HS6ST3: variants seen among roughly 807,000 people sequenced by gnomAD.
HS6ST3 encodes heparan sulfate 6-O-sulfotransferase 3, also known as heparan-sulfate 6-O-sulfotransferase 3.
HS6ST3 carries 12 observed loss-of-function variants against 36.7 expected under a neutral mutation model. The observed-to-expected ratio is 0.33, with a 90% confidence interval of 0.21 to 0.53. HS6ST3 has a LOEUF of 0.53. Among genes scored for constraint, HS6ST3 ranks in the 20% least tolerant of loss-of-function variants. The pLI is 0.95. For missense variants in HS6ST3, 584 were observed against 640.9 expected (o/e 0.91, Z 0.96); for synonymous variants, 240 against 257.5 (o/e 0.93, Z 0.65).
intron 1 of HS6ST3, among the ~76,000 whole-genome samples, chr13:96,407,848 C>T (rs1207534567): frequency 6.6e-6 from 1 of 152,084 alleles, no homozygotes; most frequent in Non-Finnish European, 1.5e-5. Flanking sequence ...ATACAAGTCT[C>T]AGAAGTTAAA....
chr13:96,556,304 C>T (rs932411705), intron 1 of HS6ST3, among the ~76,000 whole-genome samples: 46 of 152,078 alleles, frequency 3.0e-4, no homozygotes, highest in East Asian at 1.9e-4. Context: ...TGTATTTATA[C>T]GACTTAAAAG....
At chr13:96,806,140 T>C (rs1292680814) in intron 1 of HS6ST3, among the ~76,000 whole-genome samples, 1 of 152,218 alleles carries the variant, frequency 6.6e-6, no homozygotes, top group Non-Finnish European at 1.5e-5. Context: ...GATTCTATCT[T>C]ATCAATGTGG....
intron 1 of HS6ST3, among the ~76,000 whole-genome samples, chr13:96,613,490 A>G (rs1030490084): frequency 1.3e-5 from 2 of 152,152 alleles, no homozygotes; most frequent in Non-Finnish European, 2.9e-5. Context: ...TGGCACTGAG[A>G]ATGTGACCTG....
intron 1 of HS6ST3, among the ~76,000 whole-genome samples, chr13:96,112,578 A>AATATACATATATAT (rs397773858): frequency 0.046 from 3,689 of 81,060 alleles, 1,192 homozygotes; most frequent in Non-Finnish European, 0.057. Flanking sequence ...AAAATAAATA[A>AATATACATATATAT]ATATATATAT....
At chr13:96,224,701 G>A (rs984653745) in intron 1 of HS6ST3, among the ~76,000 whole-genome samples, 1 of 152,188 alleles carries the variant, frequency 6.6e-6, no homozygotes, top group African/African-American at 2.4e-5. Flanking sequence ...AAATTGTCTT[G>A]TTTTAGGATA....
At position 96,688,339 on chromosome 13, in the gene HS6ST3, G is replaced by A. The variant is rs916347245; in HGVS notation, c.708-144151G>A. Among the ~76,000 whole-genome samples, 56 of 151,914 alleles carry A rather than the reference G, an allele frequency of 3.7e-4. 1 individual carries two copies. Among genetic ancestry groups the A allele is most frequent in the African/African-American group, 1.4e-3 (56 of 41,378 alleles). ...GGCCAAGGGAGCGTGGATGAATGCT[G>A]TGCTTCTATGAATTTGTTTTATATT... On this transcript the variant is annotated intron_variant, in intron 1 of 1. Transcript: ENST00000376705.
chr13:96,293,854 T>C (rs1161945790), intron 1 of HS6ST3, among the ~76,000 whole-genome samples: 1 of 152,046 alleles, frequency 6.6e-6, no homozygotes, highest in Non-Finnish European at 1.5e-5. Flanking sequence ...CATCATCTCA[T>C]AGGAAATCCC....
chr13:96,811,573 T>C (rs1309905389), intron 1 of HS6ST3, among the ~76,000 whole-genome samples: 4 of 152,190 alleles, frequency 2.6e-5, no homozygotes, highest in African/African-American at 9.7e-5. Context: ...TTTCACAGAA[T>C]AGAGCATCCA....
rs539452647 is a variant in HS6ST3, at chr13:96,356,120, C to T, written c.707+264551C>T. ...TCATATGATATGATATGAACTAATT[C>T]TCATATTCAAGAGAACTAATTCTAG... is the stretch of plus-strand genomic sequence containing the variant. On this transcript the variant is annotated intron_variant, in intron 1 of 1. Transcript: ENST00000376705. 1.4e-4 allele frequency among the ~76,000 whole-genome samples: 21 copies of T among 152,214 alleles called. 1 individual carries two copies. The highest frequency in any genetic ancestry group is 4.8e-4 in the African/African-American group (20 of 41,544).
chr13:96,723,719 C>T (rs934192180), intron 1 of HS6ST3, among the ~76,000 whole-genome samples: 1 of 152,192 alleles, frequency 6.6e-6, no homozygotes, highest in Non-Finnish European at 1.5e-5. Flanking sequence ...TGGCAAGTGC[C>T]TTCTCTTTCT....
At chr13:96,463,434 C>G (rs183575668) in intron 1 of HS6ST3, among the ~76,000 whole-genome samples, 73 of 151,886 alleles carry the variant, frequency 4.8e-4, no homozygotes, top group Non-Finnish European at 6.8e-4. Context: ...TGCCTCCATA[C>G]CAAGAGTAAA....
chr13:96,485,620 G>A (rs1473477798), intron 1 of HS6ST3, among the ~76,000 whole-genome samples: 1 of 152,118 alleles, frequency 6.6e-6, no homozygotes, highest in Non-Finnish European at 1.5e-5. Flanking sequence ...AGTTGAAAAG[G>A]AGTGGTGAGA....
At chr13:96,572,977 A>G (rs1429070440) in intron 1 of HS6ST3, among the ~76,000 whole-genome samples, 1 of 152,206 alleles carries the variant, frequency 6.6e-6, no homozygotes, top group Non-Finnish European at 1.5e-5. Flanking sequence ...TATATTTCAT[A>G]TGATAGTTAT....
intron 1 of HS6ST3, among the ~76,000 whole-genome samples, chr13:96,473,954 G>A (rs1037527048): frequency 3.3e-5 from 5 of 152,096 alleles, no homozygotes; most frequent in South Asian, 2.1e-4. Flanking sequence ...GTTTTCACCC[G>A]GTAGAATGGG....
chr13:96,725,124 G>A (rs1875970706), intron 1 of HS6ST3, among the ~76,000 whole-genome samples: 1 of 152,188 alleles, frequency 6.6e-6, no homozygotes, highest in Non-Finnish European at 1.5e-5. Context: ...TTTTCCTAAT[G>A]ACTACTAATG....
chr13:96,383,597 A>G (rs2055352575), intron 1 of HS6ST3, among the ~76,000 whole-genome samples: 1 of 152,226 alleles, frequency 6.6e-6, no homozygotes. Context: ...TTTCTAGGTC[A>G]GTCACCAACT....
chr13:96,095,679 T>C (rs574577313), intron 1 of HS6ST3, among the ~76,000 whole-genome samples: 3 of 152,320 alleles, frequency 2.0e-5, no homozygotes, highest in East Asian at 1.9e-4. Context: ...ATGTTCTTCA[T>C]ATCTAATAGC....
At chr13:96,177,623 G>A (rs2054218644) in intron 1 of HS6ST3, among the ~76,000 whole-genome samples, 1 of 151,992 alleles carries the variant, frequency 6.6e-6, no homozygotes, top group Non-Finnish European at 1.5e-5. Flanking sequence ...CAACAGATAT[G>A]GGGGTCTTGT....
intron 1 of HS6ST3, among the ~76,000 whole-genome samples, chr13:96,681,457 T>C (rs1003909310): frequency 9.2e-5 from 14 of 152,152 alleles, no homozygotes; most frequent in East Asian, 1.9e-4. Context: ...TGGACTTACC[T>C]TCCCAAAAAG....
Sources: allele counts gnomAD v4.1 joint callset (sites outside exome capture counted in the v4.1 genomes callset), GRCh38; gene constraint gnomAD v4.1.1; transcripts MANE v1.5; gene names NCBI Gene and HGNC (gene_info 2026-07-23, HGNC 2026-07-21).